Variants in NEGR1 observed in about 807,000 individuals in gnomAD.
NEGR1 encodes IgLON family member 4.
Under a neutral mutation model 40.9 loss-of-function variants are expected in NEGR1, and 10 were observed. The ratio of observed to expected loss-of-function variants is 0.24; its 90% confidence interval spans 0.15 to 0.42. The LOEUF (loss-of-function observed/expected upper bound fraction) is 0.42. Among genes scored for constraint, NEGR1 ranks in the 10% least tolerant of loss-of-function variants. NEGR1 has a pLI of 1.00. For synonymous variants in NEGR1, 185 were observed against 166.8 expected (o/e 1.11, Z -0.84); for missense variants, 352 against 438.9 (o/e 0.80, Z 1.77).
At chr1:71,496,212 C>T (rs1646962145) in intron 6 of NEGR1, among the ~76,000 whole-genome samples, 1 of 151,838 alleles carries the variant, frequency 6.6e-6, no homozygotes, top group African/African-American at 2.4e-5. Context: ...AGAGAGAAAA[C>T]AGAAAGAGTA....
intron 3 of NEGR1, among the ~76,000 whole-genome samples, chr1:71,760,221 C>A (rs1655895581): frequency 6.6e-6 from 1 of 151,994 alleles, no homozygotes; most frequent in South Asian, 2.1e-4. Flanking sequence ...GGGTAAGCAC[C>A]TTCCTCGAAG....
At position 71,611,107 on chromosome 1, in the gene NEGR1, G is replaced by A. The variant is rs545038964; in HGVS notation, c.707C>T (p.Thr236Ile). 40 of 1,613,846 alleles carry A rather than the reference G, an allele frequency of 2.5e-5. No homozygotes were observed. The South Asian group carries it at 3.3e-4, about 13-fold the overall frequency. The change falls in exon 5 of 7, where the codon ACC becomes ATC. Residue 236 changes from threonine to isoleucine, a missense_variant. This residue lies in a region of NEGR1 where 184 missense variants were observed against 208.7 expected (regional missense o/e 0.88). Transcript: ENST00000357731. ...TIQEIKSGTV[T>I]PGRSGLIRCE... ...TCTTATCAGGCCACTGCGTCCGGGG[G>A]TCACGGTGCCAGATTTAATTTCCTG...
chr1:72,062,626 T>C (rs1219111568), intron 1 of NEGR1, among the ~76,000 whole-genome samples: 2 of 151,936 alleles, frequency 1.3e-5, no homozygotes, highest in Non-Finnish European at 2.9e-5. Context: ...CCAAAATACA[T>C]GTGTATCTTC....
At chr1:72,054,392 A>G (rs1647091659) in intron 1 of NEGR1, among the ~76,000 whole-genome samples, 1 of 151,272 alleles carries the variant, frequency 6.6e-6, no homozygotes, top group South Asian at 2.1e-4. Context: ...CTGAGCCTTC[A>G]GTGTTAGACT....
intron 2 of NEGR1, among the ~76,000 whole-genome samples, chr1:71,860,222 C>T (rs562419929): frequency 6.6e-6 from 1 of 151,210 alleles, no homozygotes; most frequent in Admixed American, 6.6e-5. Flanking sequence ...CAACTATTCA[C>T]AAAGGGGGAG....
At chr1:72,213,178 C>A (rs1002458821) in intron 1 of NEGR1, among the ~76,000 whole-genome samples, 1 of 151,832 alleles carries the variant, frequency 6.6e-6, no homozygotes, top group Non-Finnish European at 1.5e-5. Flanking sequence ...TATTAATTTT[C>A]ATATTGATAT....
At chr1:72,210,000 T>C (rs1254332296) in intron 1 of NEGR1, among the ~76,000 whole-genome samples, 1 of 151,940 alleles carries the variant, frequency 6.6e-6, no homozygotes, top group African/African-American at 2.4e-5. Context: ...ATTATTCACT[T>C]GTATAAAATA....
chr1:71,726,420 A>C (rs1315559083), intron 3 of NEGR1, among the ~76,000 whole-genome samples: 1 of 152,138 alleles, frequency 6.6e-6, no homozygotes, highest in Non-Finnish European at 1.5e-5. Flanking sequence ...AGTTTAAACT[A>C]GTTAAACAAA....
At chr1:71,911,870 A>C (rs1570492712) in intron 2 of NEGR1, among the ~76,000 whole-genome samples, 1 of 152,144 alleles carries the variant, frequency 6.6e-6, no homozygotes, top group Non-Finnish European at 1.5e-5. Flanking sequence ...CATTATGCAT[A>C]ATTTGCTAAC....
intron 6 of NEGR1, among the ~76,000 whole-genome samples, chr1:71,561,273 A>G (rs1490711708): frequency 6.6e-6 from 1 of 151,638 alleles, no homozygotes; most frequent in Non-Finnish European, 1.5e-5. Flanking sequence ...TTAACACTCA[A>G]ATTTCAATTT....
At chr1:71,629,306 A>C (rs1392686955) in intron 4 of NEGR1, among the ~76,000 whole-genome samples, 1 of 152,014 alleles carries the variant, frequency 6.6e-6, no homozygotes, top group Non-Finnish European at 1.5e-5. Flanking sequence ...ATAGCATTGA[A>C]TCTATAAATT....
At chr1:71,849,283 A>T (rs1178024746) in intron 2 of NEGR1, among the ~76,000 whole-genome samples, 2 of 152,146 alleles carry the variant, frequency 1.3e-5, no homozygotes, top group African/African-American at 4.8e-5. Flanking sequence ...GAAGAAGTTG[A>T]TTCCACCCCT....
At chr1:71,793,139 C>A (rs1298525146) in intron 2 of NEGR1, among the ~76,000 whole-genome samples, 1 of 140,636 alleles carries the variant, frequency 7.1e-6, no homozygotes, top group African/African-American at 2.6e-5. Context: ...GAACTAGTCT[C>A]TAGAGAATAT....
intron 4 of NEGR1, among the ~76,000 whole-genome samples, chr1:71,659,388 C>A (rs1236821894): frequency 6.6e-6 from 1 of 152,032 alleles, no homozygotes; most frequent in Admixed American, 6.6e-5. Context: ...GGAAGACAAC[C>A]TAGGCAATAC....
At chr1:72,112,842 G>A (rs1212768258) in intron 1 of NEGR1, among the ~76,000 whole-genome samples, 1 of 151,376 alleles carries the variant, frequency 6.6e-6, no homozygotes, top group Non-Finnish European at 1.5e-5. Flanking sequence ...CCCCTGACAT[G>A]GGTTTTGGGG....
At chr1:71,981,968 A>G (rs1308394759) in intron 1 of NEGR1, among the ~76,000 whole-genome samples, 1 of 152,118 alleles carries the variant, frequency 6.6e-6, no homozygotes, top group African/African-American at 2.4e-5. Context: ...TACATTGTGG[A>G]GGTTGCAATA....
intron 1 of NEGR1, among the ~76,000 whole-genome samples, chr1:72,195,494 C>A (rs543729781): frequency 3.0e-4 from 46 of 151,616 alleles, no homozygotes; most frequent in African/African-American, 9.9e-4. Context: ...AATGTAATGT[C>A]TTCATTTAAA....
At chr1:72,107,330 T>C (rs1649175754) in intron 1 of NEGR1, among the ~76,000 whole-genome samples, 1 of 151,684 alleles carries the variant, frequency 6.6e-6, no homozygotes, top group Non-Finnish European at 1.5e-5. Flanking sequence ...GAGTATAAGG[T>C]CTTACTTTGG....
At chr1:71,493,650 T>G (rs1253191276) in intron 6 of NEGR1, among the ~76,000 whole-genome samples, 1 of 152,214 alleles carries the variant, frequency 6.6e-6, no homozygotes, top group Non-Finnish European at 1.5e-5. Context: ...TTTTACACTT[T>G]TTAGCATTAT....
Sources: allele counts gnomAD v4.1 joint callset (sites outside exome capture counted in the v4.1 genomes callset), GRCh38; gene constraint gnomAD v4.1.1; regional missense constraint gnomAD v4.1.1; transcripts MANE v1.5; gene names NCBI Gene and HGNC (gene_info 2026-07-23, HGNC 2026-07-21).